Variants in TLK1 observed in about 807,000 individuals in gnomAD.
TLK1 encodes the protein serine/threonine-protein kinase tousled-like 1.
A neutral mutation model predicts 105.3 loss-of-function variants in TLK1; 24 were observed. The observed-to-expected ratio is 0.23, with a 90% CI of 0.17 to 0.32. The LOEUF (loss-of-function observed/expected upper bound fraction) is 0.32, where lower values mean the gene tolerates loss of function less well. TLK1 is among the 10% of genes least tolerant of loss of function. The pLI is 1.00. For missense variants in TLK1, 558 were observed against 910.5 expected (o/e 0.61, Z 4.98); for synonymous variants, 321 against 310.4 (o/e 1.03, Z -0.36).
At chr2:171,156,824 C>T (rs1356138498) in intron 1 of TLK1, among the ~76,000 whole-genome samples, 5 of 152,150 alleles carry the variant, frequency 3.3e-5, no homozygotes, top group African/African-American at 1.2e-4. Context: ...ACAGTTTAAT[C>T]GAACTATCAT....
intron 1 of TLK1, among the ~76,000 whole-genome samples, chr2:171,227,655 TC>T (rs1032691958): frequency 1.4e-5 from 2 of 141,802 alleles, no homozygotes; most frequent in African/African-American, 5.2e-5. Context: ...ACTAATTCAC[TC>T]CCCATTTTAG....
intron 1 of TLK1, among the ~76,000 whole-genome samples, chr2:171,226,791 T>A (rs1693905298): frequency 6.6e-6 from 1 of 152,166 alleles, no homozygotes; most frequent in Non-Finnish European, 1.5e-5. Context: ...AGGGTAGTGG[T>A]CATGCATACA....
chr2:171,044,606 G>A (rs930156537), intron 11 of TLK1, among the ~76,000 whole-genome samples: 3 of 152,118 alleles, frequency 2.0e-5, no homozygotes, highest in African/African-American at 4.8e-5. Context: ...TCAGCAGGAT[G>A]TATACGGTAA....
At position 171,098,378 on chromosome 2, in the gene TLK1, T is replaced by C. The variant is rs552147311; in HGVS notation, c.259-15526A>G. On this transcript the variant is annotated intron_variant, in intron 2 of 20. Coordinates refer to ENST00000431350, the MANE Select transcript of TLK1 (RefSeq NM_012290.5). The stretch of plus-strand genomic sequence containing the variant: ...ACACCTCACATATATATAATTTCTA[T>C]TTGTCAATCATACCTCAATAAAGCT... Among the ~76,000 whole-genome samples the C allele has an allele frequency of 3.1e-4, 47 of 152,280 alleles. 1 individual carries two copies. In the South Asian group the frequency reaches 9.1e-3, roughly 30 times the overall value.
At chr2:170,998,672 GA>G (rs1158738162) in intron 18 of TLK1, among the ~76,000 whole-genome samples, 1 of 152,206 alleles carries the variant, frequency 6.6e-6, no homozygotes, top group Non-Finnish European at 1.5e-5. Context: ...GCAGCTCAAG[GA>G]ACTCTTATTC....
intron 3 of TLK1, among the ~76,000 whole-genome samples, chr2:171,079,835 A>C (rs980414803): frequency 2.6e-5 from 4 of 152,198 alleles, no homozygotes; most frequent in African/African-American, 9.6e-5. Flanking sequence ...GAAAAAGAGT[A>C]CTGGGTAGGA....
intron 2 of TLK1, among the ~76,000 whole-genome samples, chr2:171,088,141 G>C (rs1338838627): frequency 6.6e-6 from 1 of 151,928 alleles, no homozygotes; most frequent in African/African-American, 2.4e-5. Context: ...GACCAGCCTG[G>C]GCAACATGGT....
chr2:171,105,278 G>A (rs1275106886), intron 2 of TLK1, among the ~76,000 whole-genome samples: 1 of 152,162 alleles, frequency 6.6e-6, no homozygotes, highest in Non-Finnish European at 1.5e-5. Context: ...GAATTTACAA[G>A]GAACTCAAAC....
rs1687727661 is a variant in TLK1 at position 171,061,082 on chromosome 2, C to A, written c.405G>T (p.Gln135His). 2 of 1,613,406 alleles carry A rather than the reference C, an allele frequency of 1.2e-6. No homozygotes were observed. Among genetic ancestry groups the A allele is most frequent in the East Asian group, 4.5e-5 (2 of 44,752 alleles). Residue 135 changes from glutamine to histidine, a missense_variant and splice_region_variant, in exon 4 of 21, where the codon CAG becomes CAT. Gln to His is a conservative substitution (Grantham distance 24, BLOSUM62 0). Coordinates refer to ENST00000431350, the MANE Select transcript of TLK1 (RefSeq NM_012290.5). Reference sequence around the variant, plus strand: ...TGAAGGAAGATGTTATGTGCTTACCCTGACTACTTTCATTCTGGTTTTCTG... The same window carrying A: ...TGAAGGAAGATGTTATGTGCTTACCATGACTACTTTCATTCTGGTTTTCTG... ...RKAENQNESS[Q>H]GKSIGGRGHK...
chr2:171,073,880 C>CA (rs1225519408), intron 3 of TLK1, among the ~76,000 whole-genome samples: 9 of 98,348 alleles, frequency 9.2e-5, no homozygotes, highest in East Asian at 7.9e-4. Flanking sequence ...ATTCCCCCCC[C>CA]CCCTCCTTTT....
At chr2:171,188,777 G>T (rs1259371353) in intron 1 of TLK1, among the ~76,000 whole-genome samples, 2 of 151,296 alleles carry the variant, frequency 1.3e-5, no homozygotes, top group African/African-American at 4.9e-5. Flanking sequence ...GGGAGGCTGA[G>T]GCAGGAGAAT....
At chr2:171,120,240 C>T (rs1690597543) in intron 1 of TLK1, among the ~76,000 whole-genome samples, 1 of 108,740 alleles carries the variant, frequency 9.2e-6, no homozygotes, top group Non-Finnish European at 1.7e-5. Flanking sequence ...CAGAGTGAGA[C>T]TCCGTCAGAA....
chr2:171,106,933 A>G (rs1036751189), intron 2 of TLK1, among the ~76,000 whole-genome samples: 1 of 151,896 alleles, frequency 6.6e-6, no homozygotes, highest in Non-Finnish European at 1.5e-5. Flanking sequence ...ATTGTCACAA[A>G]AACGTCCTTT....
At chr2:171,175,708 CA>C (rs79550348) in intron 1 of TLK1, among the ~76,000 whole-genome samples, 7,365 of 152,246 alleles carry the variant, frequency 0.048, 472 homozygotes, top group East Asian at 0.3. Flanking sequence ...GTATTTGATT[CA>C]GCTGATTGCT....
chr2:171,134,234 T>C (rs991885707), intron 1 of TLK1, among the ~76,000 whole-genome samples: 3 of 152,214 alleles, frequency 2.0e-5, no homozygotes, highest in Non-Finnish European at 2.9e-5. Flanking sequence ...TCCTCTCAGA[T>C]TGCTGTTCAT....
chr2:171,016,379 C>T (rs1018789377), intron 12 of TLK1, among the ~76,000 whole-genome samples: 1 of 152,170 alleles, frequency 6.6e-6, no homozygotes, highest in Non-Finnish European at 1.5e-5. Context: ...ACGGATCCTC[C>T]TGCTTCAGCC....
chr2:171,045,937 G>C (rs954761678), intron 11 of TLK1: 15 of 376,540 alleles, frequency 4.0e-5, no homozygotes, highest in Non-Finnish European at 5.1e-5. Context: ...GTGAATTCTG[G>C]TAACCTCTTA....
chr2:171,067,113 A>G, intron 3 of TLK1: 1 of 818,902 alleles, frequency 1.2e-6, no homozygotes, highest in Non-Finnish European at 1.8e-6. Flanking sequence ...TCTCTGGTAT[A>G]CATACTTTTA....
rs765420199 is a variant in TLK1, at chr2:171,011,465, G to A, written c.1335-11C>T. 1.2e-6 allele frequency: 2 copies of A among 1,601,060 alleles called. No individual in the cohort carries two copies. The highest frequency in any genetic ancestry group is 1.7e-5 in the Admixed American group (1 of 57,478). On this transcript the variant is annotated splice_polypyrimidine_tract_variant and intron_variant, in intron 13 of 20. Transcript: ENST00000431350. ...GGGTGATCTTTGAACCTTAGAGGTGGGGGCAAAAAACAGACATATTAAAAC... is the reference window on the plus strand; with the variant it reads ...GGGTGATCTTTGAACCTTAGAGGTGAGGGCAAAAAACAGACATATTAAAAC...
Sources: allele counts gnomAD v4.1 joint callset (sites outside exome capture counted in the v4.1 genomes callset), GRCh38; gene constraint gnomAD v4.1.1; transcripts MANE v1.5; gene names NCBI Gene and HGNC (gene_info 2026-07-23, HGNC 2026-07-21).